KDM6A: variants seen among roughly 807,000 people sequenced by gnomAD.
KDM6A encodes lysine-specific demethylase 6A.
A neutral mutation model predicts 117.6 loss-of-function variants in KDM6A; 11 were observed. That is an observed-to-expected ratio of 0.09 (90% confidence interval 0.06 to 0.15). The LOEUF is 0.15. Ranked by LOEUF, KDM6A falls within the 10% of genes least tolerant of loss-of-function variation. The pLI is 1.00. For synonymous variants in KDM6A, 384 were observed against 396.1 expected (o/e 0.97, Z 0.36); for missense variants, 799 against 1,077.3 (o/e 0.74, Z 3.62).
intron 3 of KDM6A, 70 bp from the exon 4 acceptor site, chrX:44,974,596 C>T: frequency 8.3e-6 from 6 of 722,876 alleles, no homozygotes; most frequent in South Asian, 2.1e-5. Context: ...ATCTTGTTAC[C>T]GTGTTTGTTA....
In KDM6A at chrX:44,941,154, AC is replaced by A. The variant is rs201309080; in HGVS notation, c.226-20129del. Among the ~76,000 whole-genome samples, 1,113 of 112,410 alleles carry A rather than the reference AC, an allele frequency of 9.9e-3. 13 individuals carry two copies. The highest frequency in any genetic ancestry group is 0.035 in the African/African-American group (1,074 of 30,953). ...CTGGCATTTTCTTTTAATAAAAAAA[AC>A]AAGGTGGTATGATTACTGTAGTGTT... On this transcript the variant is annotated intron_variant, in intron 2 of 29. Transcript: ENST00000611820.
intron 2 of KDM6A, among the ~76,000 whole-genome samples, chrX:44,902,813 A>G (rs1193402293): frequency 8.9e-6 from 1 of 112,302 alleles, no homozygotes; most frequent in African/African-American, 3.2e-5. Context: ...TGGGAAGTCC[A>G]AGATCAAGGC....
chrX:45,088,094 G>A (rs886710732), intron 25 of KDM6A, among the ~76,000 whole-genome samples: 1 of 111,226 alleles, frequency 9.0e-6, no homozygotes, highest in East Asian at 2.8e-4. Flanking sequence ...CTTGCTTTTG[G>A]ATAAAAAGTT....
chrX:44,949,729 A>G (rs1205924321), intron 2 of KDM6A, among the ~76,000 whole-genome samples: 1 of 112,111 alleles, frequency 8.9e-6, no homozygotes, highest in Non-Finnish European at 1.9e-5. Context: ...AGGCAAAGGA[A>G]TGCATACTTT....
At position 45,058,494 on chromosome X, in the gene KDM6A, A is replaced by G. The variant is rs17215167; in HGVS notation, c.876-512A>G. Among the ~76,000 whole-genome samples the G allele has an allele frequency of 5.9e-3, 658 of 111,299 alleles. 5 individuals carry two copies. Among genetic ancestry groups the G allele is most frequent in the Middle Eastern group, 9.2e-3 (2 of 218 alleles). ...TTTGATACTTAGTTTGAGATTAACTATGTCTTACATGTGCATTTTTTTTAT... is the reference window on the plus strand; with the variant it reads ...TTTGATACTTAGTTTGAGATTAACTGTGTCTTACATGTGCATTTTTTTTAT... On this transcript the variant is annotated intron_variant, in intron 10 of 29. Transcript: ENST00000611820.
Position 44,877,744 on chromosome X carries a change from A to G in KDM6A, c.225+3757A>G, listed in dbSNP as rs2031825791. ...AGTATCTTATTTTTAAGTTTTTCTT[A>G]AATACTCTTATTGGAAATTTTTTTG... On this transcript the variant is annotated intron_variant, in intron 2 of 29. Coordinates refer to ENST00000611820, the MANE Select transcript of KDM6A (RefSeq NM_001291415.2). Among the ~76,000 whole-genome samples the G allele has an allele frequency of 2.7e-5, 3 of 110,956 alleles. No individual in the cohort carries two copies. In the Admixed American group the frequency reaches 2.9e-4, roughly 11 times the overall value.
At chrX:45,099,057 T>C (rs1019530032) in intron 27 of KDM6A, among the ~76,000 whole-genome samples, 1 of 111,665 alleles carries the variant, frequency 9.0e-6, no homozygotes, top group Non-Finnish European at 1.9e-5. Context: ...GCCACATTTA[T>C]TTAGCGGTCT....
intron 17 of KDM6A, among the ~76,000 whole-genome samples, chrX:45,068,592 G>C (rs1400290342): frequency 3.8e-5 from 4 of 104,209 alleles, no homozygotes; most frequent in Non-Finnish European, 5.9e-5. Context: ...GAGACACAAG[G>C]TTCTGCTCTG....
chrX:44,903,287 T>C (rs930593041), intron 2 of KDM6A, among the ~76,000 whole-genome samples: 1 of 112,045 alleles, frequency 8.9e-6, no homozygotes, highest in Non-Finnish European at 1.9e-5. Flanking sequence ...TTCAACACTT[T>C]TACCACGTCA....
At chrX:44,980,253 C>T (rs2039832652) in intron 4 of KDM6A, among the ~76,000 whole-genome samples, 1 of 111,445 alleles carries the variant, frequency 9.0e-6, no homozygotes, top group South Asian at 3.7e-4. Context: ...CTCGGCCTCC[C>T]AAAGTGCTGG....
chrX:45,092,046 G>A (rs1196524805), intron 27 of KDM6A, among the ~76,000 whole-genome samples: 4 of 111,187 alleles, frequency 3.6e-5, no homozygotes, highest in South Asian at 7.5e-4. Context: ...AAATTATAGC[G>A]AGTAATGTAC....
intron 2 of KDM6A, among the ~76,000 whole-genome samples, chrX:44,910,453 T>G (rs1043635039): frequency 9.0e-6 from 1 of 111,104 alleles, no homozygotes; most frequent in African/African-American, 3.3e-5. Context: ...CCTCATTTTT[T>G]TAATAAACTT....
At chrX:45,039,402 G>A (rs2042951663) in intron 8 of KDM6A, among the ~76,000 whole-genome samples, 1 of 110,363 alleles carries the variant, frequency 9.1e-6, no homozygotes, top group Non-Finnish European at 1.9e-5. Flanking sequence ...TTGTCTTTTG[G>A]CTTTCATTGT....
chrX:44,998,991 A>G (rs1376081399), intron 4 of KDM6A, among the ~76,000 whole-genome samples: 1 of 111,707 alleles, frequency 9.0e-6, no homozygotes, highest in African/African-American at 3.3e-5. Context: ...ACCTTATTAT[A>G]TACGTTTTTG....
chrX:44,951,518 A>G (rs1190440048), intron 2 of KDM6A, among the ~76,000 whole-genome samples: 1 of 110,963 alleles, frequency 9.0e-6, no homozygotes, highest in Non-Finnish European at 1.9e-5. Context: ...TTTGTTTTGG[A>G]TATGTTTATG....
At chrX:45,071,075 T>A (rs2044807088) in intron 18 of KDM6A, among the ~76,000 whole-genome samples, 1 of 112,363 alleles carries the variant, frequency 8.9e-6, no homozygotes, top group South Asian at 3.6e-4. Flanking sequence ...TCATTGTATA[T>A]GACACATATA....
intron 11 of KDM6A, 52 bp downstream of exon 11, chrX:45,059,156 T>C: frequency 1.7e-6 from 2 of 1,170,500 alleles, no homozygotes; most frequent in African/African-American, 1.8e-5. Context: ...CAAAGATGGT[T>C]GCATCACATA....
At position 44,881,463 on chromosome X, in the gene KDM6A, T is replaced by C. The variant is rs183722751; in HGVS notation, c.225+7476T>C. Among the ~76,000 whole-genome samples, 63 of 111,876 alleles carry C rather than the reference T, an allele frequency of 5.6e-4. 1 individual carries two copies. In the East Asian group the frequency reaches 9.6e-3, roughly 17 times the overall value. ...AAAAAACAACAAAAAAACTGTCACC[T>C]GGAAGGGTGGGAGTAATCCCTTGTT... On this transcript the variant is annotated intron_variant, in intron 2 of 29. Transcript: ENST00000611820.
chrX:45,111,432 A>G lies in KDM6A; in HGVS notation c.*21A>G. On this transcript the variant is annotated 3_prime_UTR_variant, in exon 30 of 30. Transcript: ENST00000611820. ...CTTGATATTGTTCCATGGACATTAA[A>G]TGAGACCTTTTCTGCTATTCAGGAA... 1.7e-6 allele frequency: 2 copies of G among 1,166,021 alleles called. No individual in the cohort carries two copies. The highest frequency in any genetic ancestry group is 2.3e-6 in the Non-Finnish European group (2 of 854,764).
Sources: gnomAD v4.1 joint callset for allele counts (sites outside exome capture counted in the v4.1 genomes callset) on GRCh38, gnomAD v4.1.1 for gene constraint, MANE v1.5 for transcripts, NCBI Gene and HGNC (gene_info 2026-07-23, HGNC 2026-07-21) for gene names.